The following STX8 variants were observed in gnomAD, a reference collection of about 807,000 sequenced individuals.
STX8 encodes the protein syntaxin 8, also known as syntaxin-8.
Under a neutral mutation model 37.5 loss-of-function variants are expected in STX8, and 23 were observed. The observed-to-expected ratio is 0.61, with a 90% CI of 0.44 to 0.87. STX8 has a LOEUF of 0.87. STX8 is among the 40% of genes least tolerant of loss of function. The pLI is 0.00. For missense variants in STX8, 313 were observed against 284.7 expected (o/e 1.10, Z -0.71); for synonymous variants, 115 against 99.1 (o/e 1.16, Z -0.95).
intron 6 of STX8, among the ~76,000 whole-genome samples, chr17:9,488,589 G>T (rs1203547025): frequency 6.6e-6 from 1 of 152,116 alleles, no homozygotes; most frequent in Non-Finnish European, 1.5e-5. Context: ...CATATGAGAG[G>T]CACTCAACCT....
At chr17:9,402,436 T>A (rs1381265072) in intron 6 of STX8, among the ~76,000 whole-genome samples, 2 of 152,162 alleles carry the variant, frequency 1.3e-5, no homozygotes, top group African/African-American at 4.8e-5. Flanking sequence ...AATATATTTT[T>A]AAATCATTTA....
intron 7 of STX8, among the ~76,000 whole-genome samples, chr17:9,301,364 TTAA>T (rs1276438050): frequency 1.3e-5 from 2 of 152,208 alleles, no homozygotes; most frequent in African/African-American, 4.8e-5. Flanking sequence ...ACTCCATTTA[TTAA>T]TGAGATGAAT....
At chr17:9,289,946 G>A (rs1908257944) in intron 7 of STX8, among the ~76,000 whole-genome samples, 2 of 152,176 alleles carry the variant, frequency 1.3e-5, no homozygotes, top group South Asian at 4.1e-4. Context: ...ACTAACAATT[G>A]TAGTTTAACT....
At chr17:9,361,509 A>G (rs1911063062) in intron 7 of STX8, among the ~76,000 whole-genome samples, 1 of 152,218 alleles carries the variant, frequency 6.6e-6, no homozygotes, top group Admixed American at 6.5e-5. Flanking sequence ...CTCCAGGGTG[A>G]AGAGCAGCAG....
chr17:9,480,309 G>C (rs1383154656), intron 6 of STX8, among the ~76,000 whole-genome samples: 1 of 152,070 alleles, frequency 6.6e-6, no homozygotes, highest in Non-Finnish European at 1.5e-5. Context: ...AATGTACTGA[G>C]GAAGGAAATA....
intron 6 of STX8, among the ~76,000 whole-genome samples, chr17:9,380,872 A>AATTTTTGT (rs1255234460): frequency 6.6e-6 from 1 of 151,338 alleles, no homozygotes; most frequent in Admixed American, 6.6e-5. Context: ...CACCACCCGT[A>AATTTTTGT]ATTTTTGTAT....
intron 7 of STX8, 102 bp from the exon 8 acceptor site, chr17:9,250,747 T>A: frequency 1.6e-6 from 2 of 1,246,206 alleles, no homozygotes; most frequent in Non-Finnish European, 2.3e-6. Context: ...TAGTTCCCTC[T>A]GAGCCTTCAG....
At chr17:9,540,527 C>G (rs947009696) in intron 4 of STX8, among the ~76,000 whole-genome samples, 5 of 152,170 alleles carry the variant, frequency 3.3e-5, no homozygotes, top group Non-Finnish European at 7.3e-5. Context: ...ACCTTCCAGG[C>G]CACCGACATC....
chr17:9,291,462 T>G (rs1461382129), intron 7 of STX8, among the ~76,000 whole-genome samples: 1 of 144,412 alleles, frequency 6.9e-6, no homozygotes, highest in Admixed American at 7.0e-5. Context: ...AAAAAAAAAG[T>G]ATGTTTCTTT....
intron 6 of STX8, 68 bp downstream of exon 6, chr17:9,491,761 C>T (rs1906859953): frequency 4.4e-6 from 6 of 1,351,886 alleles, no homozygotes; most frequent in South Asian, 1.2e-5. Flanking sequence ...TAAACTCATT[C>T]AACAAATGCT....
chr17:9,352,624 C>T (rs889982784), intron 7 of STX8, among the ~76,000 whole-genome samples: 22 of 151,780 alleles, frequency 1.4e-4, no homozygotes, highest in African/African-American at 5.1e-4. Flanking sequence ...CTCAGCCTCC[C>T]GAGTAGCTGG....
In STX8 at chr17:9,445,493, G is replaced by C. The variant is rs1000437477; in HGVS notation, c.541+46336C>G. 1.4e-3 allele frequency among the ~76,000 whole-genome samples: 176 copies of C among 124,800 alleles called. 2 individuals carry two copies. Among genetic ancestry groups the C allele is most frequent in the African/African-American group, 4.6e-3 (152 of 33,020 alleles). The allele number at this position is 124,800 out of a possible 152,430, so 81.9% of individuals were successfully genotyped here. ...GAATGCGAAGAGTGGTGGCCGGGGA[G>C]GGGGGGATGGTGGGGGAGGGGGTTG... On this transcript the variant is annotated intron_variant, in intron 6 of 7. Transcript: ENST00000306357.
chr17:9,357,122 C>T (rs577941497), intron 7 of STX8, among the ~76,000 whole-genome samples: 1 of 152,024 alleles, frequency 6.6e-6, no homozygotes, highest in South Asian at 2.1e-4. Context: ...CATGTGCCAC[C>T]ATGCCTGGCT....
intron 7 of STX8, among the ~76,000 whole-genome samples, chr17:9,334,874 C>T (rs1278900819): frequency 2.6e-5 from 4 of 152,126 alleles, no homozygotes; most frequent in African/African-American, 7.2e-5. Context: ...CTAAATTTCC[C>T]GTCAAAGAAT....
chr17:9,254,006 C>T lies in STX8; in HGVS notation c.644-3361G>A, dbSNP rs140314627. On this transcript the variant is annotated intron_variant, in intron 7 of 7. Transcript: ENST00000306357. The stretch of plus-strand genomic sequence containing the variant: ...CCCTGCAGTGAGGGACTGCTTTCCC[C>T]GGTCCCTGCTCCACGATGGAACTAC... Among the ~76,000 whole-genome samples, 612 of 152,256 alleles carry T rather than the reference C, an allele frequency of 4.0e-3. 3 individuals carry two copies. The highest frequency in any genetic ancestry group is 0.02 in the South Asian group (98 of 4,830).
chr17:9,503,105 C>CAG (rs368071972), intron 5 of STX8, among the ~76,000 whole-genome samples: 3 of 58,600 alleles, frequency 5.1e-5, no homozygotes, highest in Admixed American at 2.5e-4. Flanking sequence ...GACTCTGTCT[C>CAG]AAAAAAAAAA....
intron 7 of STX8, among the ~76,000 whole-genome samples, chr17:9,283,650 A>C (rs1260221377): frequency 6.6e-6 from 1 of 152,244 alleles, no homozygotes; most frequent in East Asian, 1.9e-4. Context: ...GAGCTTTCGC[A>C]ATGGATAGAA....
chr17:9,518,875 A>G (rs1236608245), intron 4 of STX8, among the ~76,000 whole-genome samples: 1 of 152,036 alleles, frequency 6.6e-6, no homozygotes, highest in African/African-American at 2.4e-5. Context: ...TCTCAAAAAA[A>G]AAAAAAAAAG....
intron 7 of STX8, among the ~76,000 whole-genome samples, chr17:9,290,301 T>G (rs55981618): frequency 0.021 from 2,606 of 123,876 alleles, 43 homozygotes; most frequent in Non-Finnish European, 0.036. Flanking sequence ...AAAGTCTATG[T>G]CAAATGCATG....
Sources: allele counts gnomAD v4.1 joint callset (sites outside exome capture counted in the v4.1 genomes callset), GRCh38; gene constraint gnomAD v4.1.1; transcripts MANE v1.5; gene names NCBI Gene and HGNC (gene_info 2026-07-23, HGNC 2026-07-21).